LRP1B: variants seen among roughly 807,000 people sequenced by gnomAD.
LRP1B encodes the protein LDL receptor related protein 1B.
A neutral mutation model predicts 556.6 loss-of-function variants in LRP1B; 217 were observed. That is an observed-to-expected ratio of 0.39 (90% CI 0.35 to 0.44). The LOEUF (loss-of-function observed/expected upper bound fraction) is 0.44. Among genes scored for constraint, LRP1B ranks in the 20% least tolerant of loss-of-function variants. LRP1B has a pLI of 1.00. For synonymous variants in LRP1B, 2,047 were observed against 1,865.8 expected (o/e 1.10, Z -2.50); for missense variants, 5,053 against 5,620.8 (o/e 0.90, Z 3.23).
intron 2 of LRP1B, among the ~76,000 whole-genome samples, chr2:141,692,734 A>T (rs1558808226): frequency 6.6e-6 from 1 of 151,992 alleles, no homozygotes; most frequent in Non-Finnish European, 1.5e-5. Flanking sequence ...GGTGCAGCCT[A>T]CTACACACCT....
chr2:141,557,734 G>A (rs1686011637), intron 2 of LRP1B, among the ~76,000 whole-genome samples: 1 of 151,892 alleles, frequency 6.6e-6, no homozygotes. Context: ...GGGCCACCCT[G>A]CCTCTAGACT....
At chr2:140,550,998 TC>T (rs1203845985) in intron 43 of LRP1B, among the ~76,000 whole-genome samples, 1 of 152,078 alleles carries the variant, frequency 6.6e-6, no homozygotes, top group African/African-American at 2.4e-5. Context: ...TTTCTCTCTG[TC>T]ATGTGAGGAC....
intron 37 of LRP1B, among the ~76,000 whole-genome samples, chr2:140,710,706 A>G (rs1004704561): frequency 6.6e-6 from 1 of 151,994 alleles, no homozygotes; most frequent in African/African-American, 2.4e-5. Flanking sequence ...CTAAAGAAAA[A>G]AAGGAATTCT....
At chr2:140,524,404 G>A (rs576058934) in intron 49 of LRP1B, among the ~76,000 whole-genome samples, 204 of 151,934 alleles carry the variant, frequency 1.3e-3, no homozygotes, top group African/African-American at 4.6e-3. Context: ...CCTGTGAAAA[G>A]TAGTTTGGAG....
At chr2:140,885,475 C>T (rs998353928) in intron 24 of LRP1B, among the ~76,000 whole-genome samples, 18 of 151,710 alleles carry the variant, frequency 1.2e-4, no homozygotes, top group African/African-American at 4.1e-4. Flanking sequence ...CTCAGCCTCC[C>T]GAGCAGCTGG....
chr2:141,597,940 C>T (rs1687581228), intron 2 of LRP1B, among the ~76,000 whole-genome samples: 1 of 151,942 alleles, frequency 6.6e-6, no homozygotes, highest in South Asian at 2.1e-4. Context: ...AACAAGCCAA[C>T]AACCTCATCT....
chr2:141,630,618 G>A (rs12992419), intron 2 of LRP1B, among the ~76,000 whole-genome samples: 12,646 of 152,252 alleles, frequency 0.083, 614 homozygotes, highest in South Asian at 0.16. Flanking sequence ...AGTCACGACA[G>A]ATGGTCCCTG....
intron 2 of LRP1B, among the ~76,000 whole-genome samples, chr2:141,770,564 T>A (rs1394750878): frequency 6.6e-6 from 1 of 152,224 alleles, no homozygotes; most frequent in Non-Finnish European, 1.5e-5. Flanking sequence ...CGTTCTCTTT[T>A]TTATTGCCAG....
chr2:141,891,340 G>T (rs1300010125), intron 1 of LRP1B, among the ~76,000 whole-genome samples: 1 of 152,036 alleles, frequency 6.6e-6, no homozygotes. Context: ...ATTAAGCAAG[G>T]GGTGTATGTA....
At chr2:141,939,167 G>A (rs1558974141) in intron 1 of LRP1B, among the ~76,000 whole-genome samples, 2 of 151,872 alleles carry the variant, frequency 1.3e-5, no homozygotes, top group African/African-American at 4.8e-5. Context: ...TATGTGAGGA[G>A]ATGGTTATGT....
chr2:141,191,663 T>C, intron 6 of LRP1B, among the ~76,000 whole-genome samples: 1 of 129,302 alleles, frequency 7.7e-6, no homozygotes, highest in South Asian at 2.8e-4. Context: ...TTTAAATTTT[T>C]CCCAAACAAA....
rs116040705 is a variant in LRP1B, at chr2:140,385,058, C to T, written c.10531+835G>A. ...GGCCCAAAAGTTAGAGATCAGCCTG[C>T]GCAACATGGCAAGATCCCATCTCTA... On this transcript the variant is annotated intron_variant, in intron 67 of 90. Coordinates refer to ENST00000389484, the MANE Select transcript of LRP1B (RefSeq NM_018557.3). 3.5e-3 allele frequency among the ~76,000 whole-genome samples: 531 copies of T among 152,080 alleles called. 4 individuals carry two copies. The highest frequency in any genetic ancestry group is 0.012 in the African/African-American group (508 of 41,496).
At chr2:141,525,493 G>T (rs1394450555) in intron 2 of LRP1B, among the ~76,000 whole-genome samples, 1 of 151,716 alleles carries the variant, frequency 6.6e-6, no homozygotes, top group Admixed American at 6.6e-5. Context: ...ACTTTTGAGG[G>T]GCTTTTAGTG....
intron 11 of LRP1B, among the ~76,000 whole-genome samples, chr2:141,047,842 C>T (rs906826736): frequency 6.6e-6 from 1 of 152,166 alleles, no homozygotes; most frequent in South Asian, 2.1e-4. Context: ...ATCCTCCTCT[C>T]CCTCTTTAAT....
At chr2:140,736,037 C>T (rs1687934548) in intron 35 of LRP1B, among the ~76,000 whole-genome samples, 1 of 152,116 alleles carries the variant, frequency 6.6e-6, no homozygotes, top group African/African-American at 2.4e-5. Flanking sequence ...TGTGAGGCAA[C>T]ATCTCTGCTA....
chr2:141,468,893 A>C (rs1239961052), intron 3 of LRP1B, among the ~76,000 whole-genome samples: 1 of 152,096 alleles, frequency 6.6e-6, no homozygotes, highest in Non-Finnish European at 1.5e-5. Context: ...TCGCAAGCAC[A>C]ATGACCTAAT....
intron 84 of LRP1B, among the ~76,000 whole-genome samples, chr2:140,289,148 T>C (rs1325620616): frequency 1.3e-5 from 2 of 152,022 alleles, no homozygotes; most frequent in Admixed American, 6.6e-5. Context: ...AGTTCCGTGG[T>C]GTACAGATAA....
At chr2:142,023,740 G>A (rs1703417392) in intron 1 of LRP1B, among the ~76,000 whole-genome samples, 1 of 152,172 alleles carries the variant, frequency 6.6e-6, no homozygotes, top group Admixed American at 6.5e-5. Flanking sequence ...CTGATGGAAA[G>A]GTAGTTTGAG....
intron 35 of LRP1B, among the ~76,000 whole-genome samples, chr2:140,764,374 A>ATGTATACATATGTAACAAACCTGCACATT (rs1689029862): frequency 6.6e-6 from 1 of 152,156 alleles, no homozygotes; most frequent in Non-Finnish European, 1.5e-5. Context: ...ACGACGGCAC[A>ATGTATACATATGTAACAAACCTGCACATT]GTGGAAAGAA....
Sources: gnomAD v4.1 joint callset for allele counts (sites outside exome capture counted in the v4.1 genomes callset) on GRCh38, gnomAD v4.1.1 for gene constraint, MANE v1.5 for transcripts, NCBI Gene and HGNC (gene_info 2026-07-23, HGNC 2026-07-21) for gene names.